Variants in FLG observed in about 807,000 individuals in gnomAD.
The protein encoded by FLG is filaggrin.
FLG carries 6 observed loss-of-function variants against 3.8 expected under a neutral mutation model. The ratio of observed to expected loss-of-function variants is 1.60; its 90% CI spans 0.87 to 3.15. The LOEUF is 3.15. FLG is among the 30% of genes most tolerant of loss of function. The probability of loss-of-function intolerance (pLI) is 0.00; values close to 1 mark genes in which losing one functional copy is unlikely to be tolerated. For synonymous variants in FLG, 2,551 were observed against 1,931.6 expected, an observed-to-expected ratio of 1.32 and a Z score of -8.41; for missense variants, 7,595 against 5,050.9, an observed-to-expected ratio of 1.50 and a Z score of -15.27.
In FLG at chr1:152,308,258, G is replaced by A. The variant is rs1652122785; in HGVS notation, c.6628C>T (p.His2210Tyr). The A allele has an allele frequency of 2.5e-6, 4 of 1,613,904 alleles. No homozygotes were observed. In the African/African-American group the frequency reaches 5.3e-5, roughly 22 times the overall value. Residue 2210 changes from histidine to tyrosine, a missense_variant, in exon 3 of 3, where the codon CAT becomes TAT. Transcript: ENST00000368799. ...TCGGCCCAAGAGGAAGCTTCATGAT[G>A]ATGCGACCCTGAGTGCCTAGAGCCA... ...GDGSRHSGSH[H>Y]HEASSWADSS... is the part of the protein sequence containing the mutation.
Position 152,310,250 on chromosome 1 carries a change from T to G in FLG, c.4636A>C (p.Asn1546His). 6.2e-7 allele frequency: 1 copy of G among 1,613,626 alleles called. No homozygotes were observed. The highest frequency in any genetic ancestry group is 2.2e-5 in the East Asian group (1 of 44,812). ...GAGCCGTCTCCTGATTGTTCCTCAT[T>G]TCTTGTTTGCCTGCTTGCACTTCTG... ...GPRSASRQTR[N>H]EEQSGDGSRH... The change falls in exon 3 of 3, where the codon AAT becomes CAT. Residue 1546 changes from asparagine to histidine, a missense_variant. Physicochemically the swap from Asn to His is moderately conservative, Grantham distance 68. Transcript: ENST00000368799.
Position 152,308,441 on chromosome 1 carries a change from T to C in FLG, c.6445A>G (p.Arg2149Gly). Residue 2149 changes from arginine to glycine, a missense_variant, in exon 3 of 3, where the codon AGA (arginine) becomes GGA (glycine). Arg to Gly is a moderately radical substitution (Grantham distance 125). Coordinates refer to ENST00000368799, the MANE Select transcript of FLG (RefSeq NM_002016.2). Reference protein sequence around the residue: ...RGHPGPSRGGRQGSHQEQSVD... With the variant: ...RGHPGPSRGGGQGSHQEQSVD... ...GATTGCTCTTGGTGGGACCCCTGTC[T>C]TCCTCCTCTGCTTGGCCCCGGGTGT... 1 of 1,613,778 alleles carries C rather than the reference T, an allele frequency of 6.2e-7. No homozygotes were observed. The highest frequency in any genetic ancestry group is 8.5e-7 in the Non-Finnish European group (1 of 1,179,832).
At position 152,309,167 on chromosome 1, in the gene FLG, C is replaced by A. The variant is rs1174468137; in HGVS notation, c.5719G>T (p.Gly1907Trp). 1 of 1,613,560 alleles carries A rather than the reference C, an allele frequency of 6.2e-7. No individual in the cohort carries two copies. Among genetic ancestry groups the A allele is most frequent in the Non-Finnish European group, 8.5e-7 (1 of 1,179,668 alleles). ...HSQVGQGQSS[G>W]PRTSRNQGSS... The stretch of plus-strand genomic sequence containing the variant: ...CCCTGGTTCCTGCTTGTCCTGGGCC[C>A]TGATGATTGTCCCTGGCCCACCTGC... The change falls in exon 3 of 3, where the codon GGG becomes TGG. Residue 1907 changes from glycine (G) to tryptophan (W), a missense_variant. Physicochemically the swap from Gly to Trp is radical, Grantham distance 184. Transcript: ENST00000368799.
rs1652598538 is a variant in FLG at position 152,313,377 on chromosome 1, G to A, written c.1509C>T (p.Ser503=). ...CCTCTTGGGACGCTGAATGCCTGGA[G>A]CTGTCTCGTGCCTGCTCGTGGTGCG... ...QGSHHEQARD[S]SRHSASQEGQ... Residue 503 remains serine (S), a synonymous_variant, in exon 3 of 3, where the codon AGC becomes AGT. Coordinates refer to ENST00000368799, the MANE Select transcript of FLG (RefSeq NM_002016.2). 1 of 1,613,546 alleles carries A rather than the reference G, an allele frequency of 6.2e-7. No individual in the cohort carries two copies. The highest frequency in any genetic ancestry group is 8.5e-7 in the Non-Finnish European group (1 of 1,179,870).
Position 152,310,833 on chromosome 1 carries a change from T to G in FLG, c.4053A>C (p.Ser1351=). 1 of 1,611,824 alleles carries G rather than the reference T, an allele frequency of 6.2e-7. No individual in the cohort carries two copies. The highest frequency in any genetic ancestry group is 2.2e-5 in the East Asian group (1 of 44,540). The change falls in exon 3 of 3, where the codon TCA becomes TCC. Residue 1351 remains serine (S), a synonymous_variant. Transcript: ENST00000368799. ...GGGATCCATGTCTTTCTCCTGGACT[T>G]GATCTTGCCTGTTCATGGGATGACA... ...QAVSSHEQAR[S]SPGERHGSRH... is the part of the protein sequence containing the mutation.
rs756757553 is a variant in FLG, at chr1:152,313,922, G to A, written c.964C>T (p.His322Tyr). ...RHSGSASRNH[H>Y]GSAWEQSRDG... Reference sequence around the variant, plus strand: ...CTTGACTGCTCCCACGCAGATCCATGATGGTTTCTGGAAGCCGACCCAGAG... The same window carrying A: ...CTTGACTGCTCCCACGCAGATCCATAATGGTTTCTGGAAGCCGACCCAGAG... Residue 322 changes from histidine (H) to tyrosine (Y), a missense_variant, in exon 3 of 3, where the codon CAT becomes TAT. Transcript: ENST00000368799. 9 of 1,613,844 alleles carry A rather than the reference G, an allele frequency of 5.6e-6. No individual in the cohort carries two copies. In the South Asian group the frequency reaches 7.7e-5, roughly 14 times the overall value.
rs146896940 is a variant in FLG at position 152,304,608 on chromosome 1, C to T, written c.10278G>A (p.Ala3426=). 4,508 of 1,610,390 alleles carry T rather than the reference C, an allele frequency of 2.8e-3. 108 individuals are homozygous for T. The African/African-American group carries it at 0.05, about 18-fold the overall frequency. The stretch of plus-strand genomic sequence containing the variant: ...GAATGGTGTCCTGACCCTCTTGGGA[C>T]GCTGAGTGCCTGGAGCTGTCTCGTG... ...EQARDSSRHS[A]SQEGQDTIRG... is the part of the protein sequence containing the mutation. The change falls in exon 3 of 3, where the codon GCG becomes GCA. Residue 3426 remains alanine (A), a synonymous_variant. Coordinates refer to ENST00000368799, the MANE Select transcript of FLG (RefSeq NM_002016.2).
In FLG at chr1:152,308,397, G is replaced by C. The variant is rs371043091; in HGVS notation, c.6489C>G (p.His2163Gln). ...TGGTGTGGCTGTGATGAGACCCTGA[G>C]TGTCCAGACCTATCTACCGATTGCT... ...HQEQSVDRSG[H>Q]SGSHHSHTTS... is the part of the protein sequence containing the mutation. Residue 2163 changes from histidine to glutamine, a missense_variant, in exon 3 of 3, where the codon CAC (histidine) becomes CAG (glutamine). Coordinates refer to ENST00000368799, the MANE Select transcript of FLG (RefSeq NM_002016.2). 44 of 1,613,856 alleles carry C rather than the reference G, an allele frequency of 2.7e-5. No individual in the cohort carries two copies. The African/African-American group carries it at 5.6e-4, about 21-fold the overall frequency.
In FLG at chr1:152,308,438, G is replaced by C. The variant is rs778732252; in HGVS notation, c.6448C>G (p.Gln2150Glu). 1.2e-6 allele frequency: 2 copies of C among 1,613,808 alleles called. No individual in the cohort carries two copies. The highest frequency in any genetic ancestry group is 1.7e-6 in the Non-Finnish European group (2 of 1,179,870). ...GHPGPSRGGR[Q>E]GSHQEQSVDR... is the part of the protein sequence containing the mutation. ...ACCGATTGCTCTTGGTGGGACCCCT[G>C]TCTTCCTCCTCTGCTTGGCCCCGGG... is the stretch of plus-strand genomic sequence containing the variant. Residue 2150 changes from glutamine (Q) to glutamate (E), a missense_variant, in exon 3 of 3, where the codon CAG becomes GAG. By Grantham distance (29) the Gln-to-Glu change is conservative (BLOSUM62 2). Coordinates refer to ENST00000368799, the MANE Select transcript of FLG (RefSeq NM_002016.2).
At position 152,309,398 on chromosome 1, in the gene FLG, C is replaced by T. The variant is rs1275622976; in HGVS notation, c.5488G>A (p.Glu1830Lys). ...TGTCCAGAACTATCTACCGATTGCT[C>T]ATAGTGGGATCCCTGCCTTCCTCCT... ...SRGGRQGSHY[E>K]QSVDSSGHSG... Residue 1830 changes from glutamate (E) to lysine (K), a missense_variant, in exon 3 of 3, where the codon GAG (glutamate) becomes AAG (lysine). Transcript: ENST00000368799. 5.0e-6 allele frequency: 8 copies of T among 1,613,812 alleles called. No homozygotes were observed. The highest frequency in any genetic ancestry group is 2.2e-5 in the South Asian group (2 of 91,050).
intron 1 of FLG, 54 bp from the exon 2 acceptor site, chr1:152,315,531 T>G (rs1270625308): frequency 7.4e-7 from 1 of 1,345,032 alleles, no homozygotes; most frequent in Non-Finnish European, 1.0e-6. Flanking sequence ...TTCTAGGTTA[T>G]ATTATTACAA....
In FLG at chr1:152,313,096, C is replaced by G. The variant is rs766406566; in HGVS notation, c.1790G>C (p.Ser597Thr). Residue 597 changes from serine to threonine, a missense_variant, in exon 3 of 3, where the codon AGC becomes ACC. By Grantham distance (58) the Ser-to-Thr change is moderately conservative (BLOSUM62 1). Transcript: ENST00000368799. ...CTGGCCCACCTGTGAGTGTCTAGAG[C>G]TGTCAGCCTGAGAGGAAGCTTCATG... ...RHHEASSQADSSRHSQVGQGQ... is the reference protein window; with the variant it reads ...RHHEASSQADTSRHSQVGQGQ... The G allele has an allele frequency of 1.9e-6, 3 of 1,613,808 alleles. No individual in the cohort carries two copies. Among genetic ancestry groups the G allele is most frequent in the South Asian group, 1.1e-5 (1 of 91,074 alleles).
chr1:152,314,869 T>G, intron 2 of FLG, 122 bp from the exon 3 acceptor site: 1 of 1,315,000 alleles, frequency 7.6e-7, no homozygotes, highest in Non-Finnish European at 1.1e-6. Context: ...CAAAATCTTT[T>G]TTTTTTTTAA....
intron 1 of FLG, among the ~76,000 whole-genome samples, chr1:152,323,816 A>G (rs890079844): frequency 2.0e-5 from 3 of 151,822 alleles, no homozygotes; most frequent in Non-Finnish European, 2.9e-5. Context: ...TGTAACCAAA[A>G]GTAGTACACA....
chr1:152,310,962 G>T lies in FLG; in HGVS notation c.3924C>A (p.His1308Gln). The change falls in exon 3 of 3, where the codon CAC becomes CAA. Residue 1308 changes from histidine to glutamine, a missense_variant. His to Gln is a conservative substitution (Grantham distance 24, BLOSUM62 0). Coordinates refer to ENST00000368799, the MANE Select transcript of FLG (RefSeq NM_002016.2). ...CTCTGTCTTCTTGATGGAACCCAGG[G>T]TGTCTGGAGCCATCTCTTGACTGCT... Reference protein sequence around the residue: ...SREQSRDGSRHPGFHQEDRAS... With the variant: ...SREQSRDGSRQPGFHQEDRAS... 2 of 1,614,012 alleles carry T rather than the reference G, an allele frequency of 1.2e-6. No homozygotes were observed. Among genetic ancestry groups the T allele is most frequent in the Non-Finnish European group, 1.7e-6 (2 of 1,180,018 alleles).
chr1:152,308,263 G>A lies in FLG; in HGVS notation c.6623C>T (p.Ser2208Leu), dbSNP rs80152591. 2,928 of 1,613,152 alleles carry A rather than the reference G, an allele frequency of 1.8e-3. 54 individuals carry two copies. The African/African-American group carries it at 0.034, about 19-fold the overall frequency. The part of the protein sequence containing the change: ...QSGDGSRHSG[S>L]HHHEASSWAD... ...CCAAGAGGAAGCTTCATGATGATGCGACCCTGAGTGCCTAGAGCCATCTCC... is the reference window on the plus strand; with the variant it reads ...CCAAGAGGAAGCTTCATGATGATGCAACCCTGAGTGCCTAGAGCCATCTCC... The change falls in exon 3 of 3, where the codon TCG becomes TTG. Residue 2208 changes from serine to leucine, a missense_variant. By Grantham distance (145) the Ser-to-Leu change is moderately radical. Transcript: ENST00000368799.
At chr1:152,314,909 TTA>T in intron 2 of FLG, 162 bp from the exon 3 acceptor site, 1 of 767,478 alleles carries the variant, frequency 1.3e-6, no homozygotes, top group Admixed American at 2.8e-5. Context: ...CATTCAGGTG[TTA>T]TATGTGAACA....
rs1652046926 is a variant in FLG, at chr1:152,307,379, C to T, written c.7507G>A (p.Ala2503Thr). 5.0e-6 allele frequency: 8 copies of T among 1,613,232 alleles called. No homozygotes were observed. The highest frequency in any genetic ancestry group is 6.8e-6 in the Non-Finnish European group (8 of 1,179,676). ...SHTTSQGRSD[A>T]SHGHSGSRSA... ...CTGGATCCTGAGTGCCCATGGGAGGCATCAGACCTTCCCTGGGATGTGGTG... is the reference window on the plus strand; with the variant it reads ...CTGGATCCTGAGTGCCCATGGGAGGTATCAGACCTTCCCTGGGATGTGGTG... The change falls in exon 3 of 3, where the codon GCC becomes ACC. Residue 2503 changes from alanine (A) to threonine (T), a missense_variant. Transcript: ENST00000368799.
chr1:152,313,481 G>T lies in FLG; in HGVS notation c.1405C>A (p.Leu469Ile). Residue 469 changes from leucine to isoleucine, a missense_variant, in exon 3 of 3, where the codon CTC becomes ATC. Transcript: ENST00000368799. Reference sequence around the variant, plus strand: ...TGTTCATGAGTGCTCACCTGGTAGAGGGAAGACCCTGAACGTCCAGACCGT... The same window carrying T: ...TGTTCATGAGTGCTCACCTGGTAGATGGAAGACCCTGAACGTCCAGACCGT... Reference protein sequence around the residue: ...GERSGRSGSSLYQVSTHEQPD... With the variant: ...GERSGRSGSSIYQVSTHEQPD... 5 of 1,613,900 alleles carry T rather than the reference G, an allele frequency of 3.1e-6. No individual in the cohort carries two copies. The highest frequency in any genetic ancestry group is 2.2e-5 in the East Asian group (1 of 44,828).
Sources: gnomAD v4.1 joint callset for allele counts (sites outside exome capture counted in the v4.1 genomes callset) on GRCh38, gnomAD v4.1.1 for gene constraint, MANE v1.5 for transcripts, NCBI Gene and HGNC (gene_info 2026-07-23, HGNC 2026-07-21) for gene names.